SLC4A10: variants seen among roughly 807,000 people sequenced by gnomAD.
SLC4A10 encodes the protein sodium-driven chloride bicarbonate exchanger.
A neutral mutation model predicts 137.7 loss-of-function variants in SLC4A10; 42 were observed. The observed-to-expected ratio is 0.30, with a 90% confidence interval of 0.24 to 0.39. SLC4A10 has a LOEUF of 0.39. Among genes scored for constraint, SLC4A10 ranks in the 10% least tolerant of loss-of-function variants. The pLI is 1.00. For synonymous variants in SLC4A10, 474 were observed against 464.1 expected (o/e 1.02, Z -0.27); for missense variants, 925 against 1,355.0 (o/e 0.68, Z 4.98).
At chr2:161,684,468 C>A (rs545875399) in intron 1 of SLC4A10, among the ~76,000 whole-genome samples, 5 of 152,056 alleles carry the variant, frequency 3.3e-5, no homozygotes, top group Non-Finnish European at 7.4e-5. Flanking sequence ...GCTATAGGTA[C>A]AAAACAAGGA....
intron 26 of SLC4A10, among the ~76,000 whole-genome samples, chr2:161,981,419 C>T (rs1352212437): frequency 6.6e-6 from 1 of 152,208 alleles, no homozygotes; most frequent in African/African-American, 2.4e-5. Flanking sequence ...TAGAGGCCAT[C>T]TAGTCCAAAA....
chr2:161,754,597 T>A (rs2049378622), intron 1 of SLC4A10, among the ~76,000 whole-genome samples: 1 of 152,194 alleles, frequency 6.6e-6, no homozygotes, highest in Non-Finnish European at 1.5e-5. Context: ...GCCAATCATG[T>A]GATTGACTGA....
intron 1 of SLC4A10, among the ~76,000 whole-genome samples, chr2:161,691,754 A>C (rs2042024882): frequency 6.6e-6 from 1 of 152,280 alleles, no homozygotes; most frequent in East Asian, 1.9e-4. Flanking sequence ...AATCTTGTAG[A>C]GGAAACAAGT....
intron 10 of SLC4A10, among the ~76,000 whole-genome samples, chr2:161,888,169 T>C (rs780422813): frequency 6.6e-6 from 1 of 152,132 alleles, no homozygotes; most frequent in Non-Finnish European, 1.5e-5. Flanking sequence ...TAAATATTGG[T>C]TTGGATACAA....
At chr2:161,631,383 G>C (rs2033523431) in intron 1 of SLC4A10, among the ~76,000 whole-genome samples, 1 of 151,648 alleles carries the variant, frequency 6.6e-6, no homozygotes, top group Non-Finnish European at 1.5e-5. Context: ...TCCAAAAAAT[G>C]CTTATATCAG....
intron 1 of SLC4A10, among the ~76,000 whole-genome samples, chr2:161,706,847 G>T (rs2043727627): frequency 2.0e-5 from 3 of 151,476 alleles, no homozygotes; most frequent in Non-Finnish European, 3.0e-5. Flanking sequence ...CCTAGATTAG[G>T]GTAGGATGCC....
chr2:161,747,068 T>C (rs2048463627), intron 1 of SLC4A10, among the ~76,000 whole-genome samples: 1 of 152,088 alleles, frequency 6.6e-6, no homozygotes, highest in African/African-American at 2.4e-5. Flanking sequence ...ACAGCTGGTG[T>C]CTCAGTGGGT....
chr2:161,666,960 A>G (rs1051490442), intron 1 of SLC4A10, among the ~76,000 whole-genome samples: 9 of 151,624 alleles, frequency 5.9e-5, no homozygotes, highest in African/African-American at 1.9e-4. Context: ...TTTAGTTTTA[A>G]GATGTGAATG....
chr2:161,901,087 TG>T (rs769995637), intron 12 of SLC4A10, 76 bp downstream of exon 12: 1 of 1,102,792 alleles, frequency 9.1e-7, no homozygotes, highest in South Asian at 1.3e-5. Context: ...ATTGCTATTT[TG>T]GGATCTAATT....
chr2:161,723,253 T>C (rs1310714633), intron 1 of SLC4A10, among the ~76,000 whole-genome samples: 1 of 152,162 alleles, frequency 6.6e-6, no homozygotes, highest in African/African-American at 2.4e-5. Context: ...ACCAGGCAGG[T>C]ACTACAATCA....
chr2:161,902,197 T>C (rs948378205), intron 12 of SLC4A10: 3 of 421,060 alleles, frequency 7.1e-6, no homozygotes, highest in African/African-American at 2.1e-5. Flanking sequence ...TTTAGATTTT[T>C]ACTGCTAAAA....
intron 11 of SLC4A10, among the ~76,000 whole-genome samples, chr2:161,900,580 AC>A (rs1682862927): frequency 6.6e-6 from 1 of 151,920 alleles, no homozygotes; most frequent in East Asian, 1.9e-4. Context: ...TTTCTTGCCC[AC>A]CTTTGCAGCT....
At chr2:161,669,702 G>C (rs879403622) in intron 1 of SLC4A10, among the ~76,000 whole-genome samples, 4 of 152,024 alleles carry the variant, frequency 2.6e-5, no homozygotes, top group East Asian at 3.9e-4. Flanking sequence ...TATTTATTTA[G>C]GGCAGGCAGA....
intron 3 of SLC4A10, among the ~76,000 whole-genome samples, chr2:161,830,993 C>T (rs1386596777): frequency 6.6e-6 from 1 of 151,946 alleles, no homozygotes; most frequent in East Asian, 1.9e-4. Flanking sequence ...GTAGGTGTGC[C>T]AAAGTATACT....
At chr2:161,936,238 T>G (rs1691559344) in intron 15 of SLC4A10, among the ~76,000 whole-genome samples, 1 of 152,158 alleles carries the variant, frequency 6.6e-6, no homozygotes, top group Non-Finnish European at 1.5e-5. Flanking sequence ...TATTGACCTA[T>G]AATATTTTCT....
At chr2:161,815,142 T>C (rs1157442123) in intron 3 of SLC4A10, among the ~76,000 whole-genome samples, 1 of 152,080 alleles carries the variant, frequency 6.6e-6, no homozygotes, top group Non-Finnish European at 1.5e-5. Context: ...TCAGGACCTG[T>C]ACATTAAAAA....
intron 1 of SLC4A10, among the ~76,000 whole-genome samples, chr2:161,641,545 C>G (rs765421263): frequency 1.3e-5 from 2 of 152,020 alleles, no homozygotes; most frequent in Non-Finnish European, 2.9e-5. Context: ...ATTGAGTAAT[C>G]TTGTAGCAGT....
chr2:161,678,751 A>G (rs901160590), intron 1 of SLC4A10, among the ~76,000 whole-genome samples: 2 of 152,100 alleles, frequency 1.3e-5, no homozygotes, highest in Non-Finnish European at 2.9e-5. Flanking sequence ...TTTTTTGCAT[A>G]TCATTATGTC....
rs571926192 is a variant in SLC4A10 at position 161,970,761 on chromosome 2, G to A, written c.3160-3488G>A. On this transcript the variant is annotated intron_variant, in intron 23 of 26. Coordinates refer to ENST00000446997, the MANE Select transcript of SLC4A10 (RefSeq NM_001178015.2). ...CTATCTTTGTTATTTGTTAGGTATCGTGATATATGAATCATAATTGTAATG... is the reference window on the plus strand; with the variant it reads ...CTATCTTTGTTATTTGTTAGGTATCATGATATATGAATCATAATTGTAATG... 1.2e-4 allele frequency among the ~76,000 whole-genome samples: 18 copies of A among 152,248 alleles called. No homozygotes were observed. The East Asian group carries it at 2.9e-3, about 24-fold the overall frequency.
Sources: allele counts gnomAD v4.1 joint callset (sites outside exome capture counted in the v4.1 genomes callset), GRCh38; gene constraint gnomAD v4.1.1; transcripts MANE v1.5; gene names NCBI Gene and HGNC (gene_info 2026-07-23, HGNC 2026-07-21).